Variants in SLC38A9 observed in about 807,000 individuals in gnomAD.
SLC38A9 encodes the protein neutral amino acid transporter 9.
Under a neutral mutation model 62.3 loss-of-function variants are expected in SLC38A9, and 48 were observed. That is an observed-to-expected ratio of 0.77 (90% CI 0.61 to 0.98). The LOEUF is 0.98. SLC38A9 is among the 50% of genes least tolerant of loss of function. The pLI is 0.00. For synonymous variants in SLC38A9, 204 were observed against 227.7 expected (o/e 0.90, Z 0.94); for missense variants, 541 against 679.8 (o/e 0.80, Z 2.27).
At chr5:55,700,427 T>TA (rs1756501805) in intron 2 of SLC38A9, among the ~76,000 whole-genome samples, 1 of 151,686 alleles carries the variant, frequency 6.6e-6, no homozygotes, top group African/African-American at 2.4e-5. Flanking sequence ...GTCTTGGAAT[T>TA]AAAATGTCCA....
rs906878300 is a variant in SLC38A9, at chr5:55,664,811, G to A, written c.579C>T (p.Phe193=). 13 of 1,588,162 alleles carry A rather than the reference G, an allele frequency of 8.2e-6. No individual in the cohort carries two copies. Among genetic ancestry groups the A allele is most frequent in the Admixed American group, 1.8e-5 (1 of 55,528 alleles). The part of the protein sequence containing the change: ...WEYPDVCRHY[F]GSFGQWSSLL... ...GACTCGACCACTGCCCAAAGGAGCCGAAATAATGTCTGCAGACATCTGGAT... is the reference window on the plus strand; with the variant it reads ...GACTCGACCACTGCCCAAAGGAGCCAAAATAATGTCTGCAGACATCTGGAT... The change falls in exon 8 of 16, where the codon TTC becomes TTT. Residue 193 remains phenylalanine, a synonymous_variant. Coordinates refer to ENST00000396865, the MANE Select transcript of SLC38A9 (RefSeq NM_173514.4).
At position 55,652,652 on chromosome 5, in the gene SLC38A9, CT is replaced by C; in HGVS notation, c.828del (p.Gly277GlufsTer20). ...CACCACTTTTCAAACTGTTGGGCTCCTGTGTCATTGGCATAGAAAATCATAG... is the reference window on the plus strand; with the variant it reads ...CACCACTTTTCAAACTGTTGGGCTCCGTGTCATTGGCATAGAAAATCATAG... The part of the protein sequence containing the change: ...NSSMIFYAND[T>X]GAQQFEKWWD... On this transcript the variant is annotated frameshift_variant, in exon 10 of 16. Transcript: ENST00000396865. LOFTEE classifies it high-confidence loss of function. The C allele has an allele frequency of 6.2e-7, 1 of 1,613,646 alleles. No homozygotes were observed. Among genetic ancestry groups the C allele is most frequent in the South Asian group, 1.1e-5 (1 of 91,042 alleles).
chr5:55,709,586 C>T (rs1757732243), intron 2 of SLC38A9, among the ~76,000 whole-genome samples: 1 of 150,784 alleles, frequency 6.6e-6, no homozygotes, highest in Non-Finnish European at 1.5e-5. Context: ...TGCCCCTAAC[C>T]CCAAAAAGAA....
intron 14 of SLC38A9, among the ~76,000 whole-genome samples, chr5:55,632,226 A>T (rs1743593517): frequency 6.6e-6 from 1 of 152,144 alleles, no homozygotes; most frequent in Non-Finnish European, 1.5e-5. Context: ...TTACAAGGTC[A>T]GGAGATTGAG....
At chr5:55,657,490 G>GTTTTTTT (rs34646167) in intron 8 of SLC38A9, among the ~76,000 whole-genome samples, 1 of 147,392 alleles carries the variant, frequency 6.8e-6, no homozygotes, top group Non-Finnish European at 1.5e-5. Context: ...GAAAATCAAA[G>GTTTTTTT]TTTTTTTTTT....
chr5:55,649,967 T>C (rs761078715), intron 10 of SLC38A9, among the ~76,000 whole-genome samples: 15 of 152,126 alleles, frequency 9.9e-5, no homozygotes, highest in African/African-American at 1.4e-4. Flanking sequence ...TAGGATTACA[T>C]AGGATTGAAA....
At position 55,698,001 on chromosome 5, in the gene SLC38A9, A is replaced by G. The variant is rs3761766; in HGVS notation, c.-34-9T>C. The G allele has an allele frequency of 0.65, 584,108 of 904,596 alleles. 191,150 individuals carry two copies. Among genetic ancestry groups the G allele is most frequent in the South Asian group, 0.7 (42,586 of 60,778 alleles). 56.0% of individuals were successfully genotyped at this position (904,596 alleles called of 1,614,324 possible). On this transcript the variant is annotated splice_polypyrimidine_tract_variant and intron_variant, in intron 2 of 15. Coordinates refer to ENST00000396865, the MANE Select transcript of SLC38A9 (RefSeq NM_173514.4). Reference sequence around the variant, plus strand: ...CACTGAAGAAGTTAGTCCTACACAAAGAAGATAAATAATTTAGTTTAATTT... The same window carrying G: ...CACTGAAGAAGTTAGTCCTACACAAGGAAGATAAATAATTTAGTTTAATTT...
chr5:55,688,380 CTTTTTTTTT>C (rs767493953), intron 3 of SLC38A9, among the ~76,000 whole-genome samples: 3 of 123,294 alleles, frequency 2.4e-5, no homozygotes, highest in African/African-American at 6.1e-5. Context: ...GGCATAATCT[CTTTTTTTTT>C]TTTTTTTTTT....
At chr5:55,677,874 A>C (rs7718675) in intron 3 of SLC38A9, among the ~76,000 whole-genome samples, 15,068 of 149,902 alleles carry the variant, frequency 0.1, 859 homozygotes, top group East Asian at 0.19. Context: ...CCAACAGAGA[A>C]ACTTGCCACC....
At chr5:55,627,813 AAAC>A (rs149037235) in intron 15 of SLC38A9, 75 bp downstream of exon 15, 83 of 877,660 alleles carry the variant, frequency 9.5e-5, no homozygotes, top group Middle Eastern at 2.2e-4. Context: ...AATTAAATTA[AAAC>A]AACAACAACA....
At chr5:55,632,406 C>G (rs2150038598) in intron 14 of SLC38A9, among the ~76,000 whole-genome samples, 1 of 152,240 alleles carries the variant, frequency 6.6e-6, no homozygotes. Context: ...CCACTGCACT[C>G]CAGCCTGGGC....
At chr5:55,647,495 G>A (rs1181514551) in intron 11 of SLC38A9, among the ~76,000 whole-genome samples, 2 of 149,698 alleles carry the variant, frequency 1.3e-5, no homozygotes, top group African/African-American at 4.9e-5. Context: ...CAAGAATCAA[G>A]CACTAGCTCT....
intron 9 of SLC38A9, among the ~76,000 whole-genome samples, chr5:55,652,932 G>A (rs142009745): frequency 6.4e-4 from 97 of 152,080 alleles, no homozygotes; most frequent in Non-Finnish European, 1.1e-3. Flanking sequence ...TAAGGGTGAG[G>A]GAATCTTTAA....
chr5:55,677,535 T>C (rs1752276541), intron 3 of SLC38A9, among the ~76,000 whole-genome samples: 1 of 151,920 alleles, frequency 6.6e-6, no homozygotes. Context: ...ATTGTAGGTC[T>C]TTTTTTGTTT....
At chr5:55,652,428 G>A in intron 10 of SLC38A9, 101 bp downstream of exon 10, 1 of 405,934 alleles carries the variant, frequency 2.5e-6, no homozygotes, top group Non-Finnish European at 4.2e-6. Flanking sequence ...AAACACAGAT[G>A]AACAGGCTTG....
intron 7 of SLC38A9, 184 bp downstream of exon 7, chr5:55,669,044 T>C: frequency 2.7e-6 from 1 of 376,924 alleles, no homozygotes; most frequent in Non-Finnish European, 4.8e-6. Context: ...TCTCTGAATT[T>C]CAAAAGCAGC....
chr5:55,654,913 C>T (rs1013112800), intron 9 of SLC38A9, among the ~76,000 whole-genome samples: 2 of 152,116 alleles, frequency 1.3e-5, no homozygotes, highest in African/African-American at 4.8e-5. Context: ...CTATGGCTCA[C>T]TGTAGCCTCA....
chr5:55,659,817 G>A (rs1284955578), intron 8 of SLC38A9, among the ~76,000 whole-genome samples: 2 of 151,852 alleles, frequency 1.3e-5, no homozygotes, highest in African/African-American at 2.4e-5. Context: ...CCAGGCTGGA[G>A]TGCAGTGGCA....
At chr5:55,664,026 C>T (rs1284047819) in intron 8 of SLC38A9, among the ~76,000 whole-genome samples, 2 of 151,836 alleles carry the variant, frequency 1.3e-5, no homozygotes, top group Non-Finnish European at 2.9e-5. Flanking sequence ...AATAAACTTC[C>T]AGCTCGGTAC....
Sources: allele counts gnomAD v4.1 joint callset (sites outside exome capture counted in the v4.1 genomes callset), GRCh38; gene constraint gnomAD v4.1.1; transcripts MANE v1.5; gene names NCBI Gene and HGNC (gene_info 2026-07-23, HGNC 2026-07-21).